TAMALIN: variants seen among roughly 807,000 people sequenced by gnomAD.
TAMALIN encodes protein TAMALIN.
A neutral mutation model predicts 38.5 loss-of-function variants in TAMALIN; 9 were observed. The ratio of observed to expected loss-of-function variants is 0.23; its 90% CI spans 0.14 to 0.41. TAMALIN has a LOEUF of 0.41. Ranked by LOEUF, TAMALIN falls within the 10% of genes least tolerant of loss-of-function variation. The probability of loss-of-function intolerance (pLI) is 1.00; values close to 1 mark genes in which losing one functional copy is unlikely to be tolerated. For missense variants in TAMALIN, 548 were observed against 554.1 expected (o/e 0.99, Z 0.11); for synonymous variants, 306 against 256.5 (o/e 1.19, Z -1.85).
At chr12:52,009,564 A>G (rs1942465961) in intron 2 of TAMALIN, among the ~76,000 whole-genome samples, 1 of 152,104 alleles carries the variant, frequency 6.6e-6, no homozygotes, top group East Asian at 1.9e-4. Flanking sequence ...GTCCTAACCC[A>G]GGCCTCCTGG....
rs991800367 is a variant in TAMALIN, at chr12:52,010,594, T to C, written c.297-287T>C. 7 of 1,225,322 alleles carry C rather than the reference T, an allele frequency of 5.7e-6. No homozygotes were observed. The African/African-American group carries it at 9.4e-5, about 16-fold the overall frequency. 75.9% of individuals were successfully genotyped at this position (1,225,322 alleles called of 1,614,324 possible). The stretch of plus-strand genomic sequence containing the variant: ...GGTACTGTAGGGCTCACTGGAAAGC[T>C]GGGATGGGGCTAAAAAACTCAGCCG... On this transcript the variant is annotated intron_variant, in intron 2 of 7. Coordinates refer to ENST00000293662, the MANE Select transcript of TAMALIN (RefSeq NM_181711.4).
chr12:52,007,396 C>G lies in TAMALIN; in HGVS notation c.246+131C>G. On this transcript the variant is annotated intron_variant, in intron 1 of 7. Transcript: ENST00000293662. The surrounding 1 kb of genome is among the most constrained non-coding windows in gnomAD (Gnocchi z 6.7). ...CCTTCTTCCCCGGCCCGCTGGGTGC[C>G]TCGACTCCCCGCGTTCCCCGCTGCT... 7.9e-7 allele frequency: 1 copy of G among 1,270,318 alleles called. No individual in the cohort carries two copies. Among genetic ancestry groups the G allele is most frequent in the South Asian group, 2.8e-5 (1 of 35,612 alleles). The allele number at this position is 1,270,318 out of a possible 1,614,324, so 78.7% of individuals were successfully genotyped here.
At position 52,010,315 on chromosome 12, in the gene TAMALIN, G is replaced by A. The variant is rs561246586; in HGVS notation, c.297-566G>A. ...GAAACTCTGGGCTCCCCCAGCAGGC[G>A]AGGATCTGGAGCAGCTCCAGACCAT... On this transcript the variant is annotated intron_variant, in intron 2 of 7. Transcript: ENST00000293662. Among the ~76,000 whole-genome samples the A allele has an allele frequency of 4.6e-5, 7 of 152,304 alleles. No individual in the cohort carries two copies. In the East Asian group the frequency reaches 9.6e-4, roughly 21 times the overall value.
At position 52,014,907 on chromosome 12, in the gene TAMALIN, C is replaced by A; in HGVS notation, c.896C>A (p.Pro299Gln). ...GGGGACTCCGAGCCGCCGGCGCTGCCGCCCCCGCCGCCCCCGGCCCGCGCC... is the reference window on the plus strand; with the variant it reads ...GGGGACTCCGAGCCGCCGGCGCTGCAGCCCCCGCCGCCCCCGGCCCGCGCC... Reference protein sequence around the residue: ...FFGDSEPPALPPPPPPARAFG... With the variant: ...FFGDSEPPALQPPPPPARAFG... The change falls in exon 8 of 8, where the codon CCG becomes CAG. Residue 299 changes from proline to glutamine, a missense_variant. Coordinates refer to ENST00000293662, the MANE Select transcript of TAMALIN (RefSeq NM_181711.4). The A allele has an allele frequency of 8.9e-7, 1 of 1,123,732 alleles. No homozygotes were observed. Among genetic ancestry groups the A allele is most frequent in the South Asian group, 2.5e-5 (1 of 40,742 alleles). 69.6% of individuals were successfully genotyped at this position (1,123,732 alleles called of 1,614,324 possible).
At position 52,014,928 on chromosome 12, in the gene TAMALIN, G is replaced by C. The variant is rs1180305939; in HGVS notation, c.917G>C (p.Arg306Pro). Residue 306 changes from arginine (R) to proline (P), a missense_variant, in exon 8 of 8, where the codon CGC becomes CCC. By Grantham distance (103) the Arg-to-Pro change is moderately radical (BLOSUM62 -2). This residue lies in a region of TAMALIN where 415 missense variants were observed against 417.0 expected (regional missense o/e 1.00). Transcript: ENST00000293662. Reference sequence around the variant, plus strand: ...CTGCCGCCCCCGCCGCCCCCGGCCCGCGCCTTCGGCCCGGGCCCCGCCGAG... The same window carrying C: ...CTGCCGCCCCCGCCGCCCCCGGCCCCCGCCTTCGGCCCGGGCCCCGCCGAG... ...PALPPPPPPARAFGPGPAETP... is the reference protein window; with the variant it reads ...PALPPPPPPAPAFGPGPAETP... The C allele has an allele frequency of 1.9e-6, 2 of 1,042,688 alleles. No individual in the cohort carries two copies. Among genetic ancestry groups the C allele is most frequent in the Non-Finnish European group, 2.3e-6 (2 of 867,344 alleles). The allele number at this position is 1,042,688 out of a possible 1,614,324, so 64.6% of individuals were successfully genotyped here.
chr12:52,008,648 G>A, intron 1 of TAMALIN: 1 of 985,418 alleles, frequency 1.0e-6, no homozygotes, highest in Non-Finnish European at 1.2e-6. Context: ...GGCTGGGATT[G>A]CCAGCCCTTC....
chr12:52,007,884 CCCG>C lies in TAMALIN; in HGVS notation c.246+621_246+623del. ...ACGCAGTGGGAGGGGTCGCAGGGCGCCCGCGGGGCAGGAAGGATGCGGGCCGCG... is the reference window on the plus strand; with the variant it reads ...ACGCAGTGGGAGGGGTCGCAGGGCGCCGGGGCAGGAAGGATGCGGGCCGCG... On this transcript the variant is annotated intron_variant, in intron 1 of 7. Transcript: ENST00000293662. The surrounding 1 kb of genome is among the most constrained non-coding windows in gnomAD (Gnocchi z 6.7). The C allele has an allele frequency of 1.0e-6, 1 of 985,394 alleles. No homozygotes were observed. The highest frequency in any genetic ancestry group is 1.2e-6 in the Non-Finnish European group (1 of 829,900). 61.0% of individuals were successfully genotyped at this position (985,394 alleles called of 1,614,324 possible). A position where few individuals can be genotyped will look rare whatever the true frequency, so the allele number is the denominator to read the frequency against.
Position 52,007,691 on chromosome 12 carries a change from G to A in TAMALIN, c.246+426G>A, listed in dbSNP as rs765312811. On this transcript the variant is annotated intron_variant, in intron 1 of 7. Transcript: ENST00000293662. The surrounding 1 kb of genome is among the most constrained non-coding windows in gnomAD (Gnocchi z 6.7). Reference sequence around the variant, plus strand: ...GTGGGAGAAGCGGGCCGGTGGCTGCGCCGCGTGCGTTCTCACTCTGAGGAA... The same window carrying A: ...GTGGGAGAAGCGGGCCGGTGGCTGCACCGCGTGCGTTCTCACTCTGAGGAA... The A allele has an allele frequency of 1.0e-6, 1 of 985,240 alleles. No homozygotes were observed. The highest frequency in any genetic ancestry group is 1.2e-6 in the Non-Finnish European group (1 of 829,914). The allele number at this position is 985,240 out of a possible 1,614,324, so 61.0% of individuals were successfully genotyped here.
chr12:52,008,118 AAG>A (rs1942444989), intron 1 of TAMALIN: 1 of 985,390 alleles, frequency 1.0e-6, no homozygotes, highest in Admixed American at 6.1e-5. Context: ...TTGAAAGACA[AAG>A]GGGTCTCTCT....
At chr12:52,012,598 T>C (rs1937676987) in intron 4 of TAMALIN, among the ~76,000 whole-genome samples, 1 of 152,212 alleles carries the variant, frequency 6.6e-6, no homozygotes, top group Non-Finnish European at 1.5e-5. Context: ...CACTGTTACG[T>C]TGGGGATGAA....
At chr12:52,013,128 A>G (rs1419958087) in intron 4 of TAMALIN, among the ~76,000 whole-genome samples, 2 of 132,192 alleles carry the variant, frequency 1.5e-5, no homozygotes, top group East Asian at 2.2e-4. Context: ...CCCAGGCTGG[A>G]GTGCAGTGGC....
Position 52,007,345 on chromosome 12 carries a change from C to T in TAMALIN, c.246+80C>T, listed in dbSNP as rs1942429278. On this transcript the variant is annotated intron_variant, in intron 1 of 7. Transcript: ENST00000293662. This position sits in a 1 kb window ranked among gnomAD's most constrained non-coding sequence, Gnocchi z 6.7. ...GGGCCTGCTGACTCCGCAGTGCCCT[C>T]TCCTCGGCGTCCGCGGAGTCCCCCA... is the stretch of plus-strand genomic sequence containing the variant. 1.5e-6 allele frequency: 2 copies of T among 1,315,620 alleles called. No homozygotes were observed. 81.5% of individuals were successfully genotyped at this position (1,315,620 alleles called of 1,614,324 possible). A position where few individuals can be genotyped will look rare whatever the true frequency, so the allele number is the denominator to read the frequency against.
chr12:52,011,210 G>T lies in TAMALIN; in HGVS notation c.454+69G>T. 1.2e-6 allele frequency: 2 copies of T among 1,600,126 alleles called. No homozygotes were observed. The highest frequency in any genetic ancestry group is 1.7e-6 in the Non-Finnish European group (2 of 1,179,022). On this transcript the variant is annotated intron_variant, in intron 4 of 7. Coordinates refer to ENST00000293662, the MANE Select transcript of TAMALIN (RefSeq NM_181711.4). The surrounding 1 kb of genome is among the most constrained non-coding windows in gnomAD (Gnocchi z 5.3). ...GACCTTACTCCCAAGCAAAGGGGGT[G>T]AGCAATCTCTCCTGAAATCAATTCC...
rs547844718 is a variant in TAMALIN, at chr12:52,011,301, G to C, written c.454+160G>C. On this transcript the variant is annotated intron_variant, in intron 4 of 7. Transcript: ENST00000293662. The surrounding 1 kb of genome is among the most constrained non-coding windows in gnomAD (Gnocchi z 5.3). ...GATAGAATCTGGGCTTTGGATCTAG[G>C]CAAATTTGCCATGTACTGTGTGATC... is the stretch of plus-strand genomic sequence containing the variant. The C allele has an allele frequency of 1.5e-5, 20 of 1,325,438 alleles. No homozygotes were observed. In the African/African-American group the frequency reaches 2.9e-4, roughly 19 times the overall value. 82.1% of individuals were successfully genotyped at this position (1,325,438 alleles called of 1,614,324 possible). A position where few individuals can be genotyped will look rare whatever the true frequency, so the allele number is the denominator to read the frequency against.
intron 2 of TAMALIN, chr12:52,010,646 C>G: frequency 9.5e-7 from 1 of 1,048,988 alleles, no homozygotes; most frequent in Non-Finnish European, 1.3e-6. Flanking sequence ...ACCGGCCCTT[C>G]TCTGTGCTTC....
intron 2 of TAMALIN, among the ~76,000 whole-genome samples, chr12:52,009,647 G>A (rs1470995108): frequency 6.6e-6 from 1 of 152,222 alleles, no homozygotes; most frequent in Non-Finnish European, 1.5e-5. Context: ...CCAGCTGCTT[G>A]GGGCTGGCTG....
chr12:52,015,131 C>A lies in TAMALIN; in HGVS notation c.1120C>A (p.Arg374Ser). The change falls in exon 8 of 8, where the codon CGC becomes AGC. Residue 374 changes from arginine (R) to serine (S), a missense_variant. Coordinates refer to ENST00000293662, the MANE Select transcript of TAMALIN (RefSeq NM_181711.4). ...GCGCAAAACCAAGTACCGCAGCTTC[C>A]GCCGGCGGCTGCTCAAGTTCATCCC... Reference protein sequence around the residue: ...GLRKTKYRSFRRRLLKFIPGL... With the variant: ...GLRKTKYRSFSRRLLKFIPGL... 1 of 1,590,828 alleles carries A rather than the reference C, an allele frequency of 6.3e-7. No homozygotes were observed. Among genetic ancestry groups the A allele is most frequent in the East Asian group, 2.3e-5 (1 of 44,438 alleles).
chr12:52,008,773 G>A (rs1942454149), intron 1 of TAMALIN: 1 of 984,018 alleles, frequency 1.0e-6, no homozygotes, highest in African/African-American at 1.7e-5. Flanking sequence ...GAGCCCAGGG[G>A]ACACCTATCC....
In TAMALIN at chr12:52,015,104, C is replaced by T; in HGVS notation, c.1093C>T (p.Leu365=). 2.5e-6 allele frequency: 4 copies of T among 1,572,640 alleles called. No homozygotes were observed. The highest frequency in any genetic ancestry group is 1.1e-5 in the South Asian group (1 of 88,090). Residue 365 remains leucine, a synonymous_variant, in exon 8 of 8, where the codon CTG becomes TTG. Coordinates refer to ENST00000293662, the MANE Select transcript of TAMALIN (RefSeq NM_181711.4). The stretch of plus-strand genomic sequence containing the variant: ...CGAGCAGGCCCTATGCGGCCCCGGC[C>T]TGCGCAAAACCAAGTACCGCAGCTT... ...AREQALCGPG[L]RKTKYRSFRR...
Sources: gnomAD v4.1 joint callset for allele counts (sites outside exome capture counted in the v4.1 genomes callset) on GRCh38, gnomAD v4.1.1 for gene constraint, gnomAD v4.1.1 regional missense constraint, Gnocchi (gnomAD v3.1) non-coding constraint, MANE v1.5 for transcripts, NCBI Gene and HGNC (gene_info 2026-07-23, HGNC 2026-07-21) for gene names.